Variants in NFS1 observed in about 807,000 individuals in gnomAD.
NFS1 encodes the protein cysteine desulfurase.
A neutral mutation model predicts 57.3 loss-of-function variants in NFS1; 26 were observed. The ratio of observed to expected loss-of-function variants is 0.45; its 90% CI spans 0.33 to 0.63. The LOEUF is 0.63. Ranked by LOEUF, NFS1 falls within the 20% of genes least tolerant of loss-of-function variation. The pLI, the probability that NFS1 is intolerant of heterozygous loss-of-function variation, is 0.02. For synonymous variants in NFS1, 209 were observed against 216.3 expected, an observed-to-expected ratio of 0.97 and a Z score of 0.30; for missense variants, 505 against 605.8, an observed-to-expected ratio of 0.83 and a Z score of 1.75.
chr20:35,698,100 C>A (rs2035171578), intron 2 of NFS1, among the ~76,000 whole-genome samples: 1 of 152,186 alleles, frequency 6.6e-6, no homozygotes, highest in African/African-American at 2.4e-5. Context: ...GTAATGTGAT[C>A]TATAAGGGGC....
At chr20:35,673,538 G>A in intron 11 of NFS1, 63 bp downstream of exon 11, 1 of 1,417,630 alleles carries the variant, frequency 7.1e-7, no homozygotes, top group South Asian at 1.2e-5. Flanking sequence ...GAAAAAAACT[G>A]TAACAGGAGA....
At chr20:35,676,787 C>CAAAAAAAAAAAAAAAAAAA (rs1206628678) in intron 7 of NFS1, among the ~76,000 whole-genome samples, 4 of 77,292 alleles carry the variant, frequency 5.2e-5, no homozygotes, top group African/African-American at 1.3e-4. Context: ...AAAAAAAAAC[C>CAAAAAAAAAAAAAAAAAAA]AAGAAAGAAA....
At chr20:35,694,672 G>A (rs972001564) in intron 4 of NFS1, 4 of 151,898 alleles carry the variant, frequency 2.6e-5, no homozygotes, top group Non-Finnish European at 5.9e-5. Flanking sequence ...GGCGGATCAC[G>A]AGGTCAGGAG....
chr20:35,680,197 C>G (rs1487805592), intron 7 of NFS1, among the ~76,000 whole-genome samples: 1 of 152,072 alleles, frequency 6.6e-6, no homozygotes, highest in Non-Finnish European at 1.5e-5. Context: ...CCCAGCTACT[C>G]GGCAGGCTGA....
At chr20:35,673,183 G>C (rs2034685657) in intron 11 of NFS1, among the ~76,000 whole-genome samples, 1 of 152,140 alleles carries the variant, frequency 6.6e-6, no homozygotes, top group African/African-American at 2.4e-5. Flanking sequence ...AGCTACTCAG[G>C]AGGCTGAGGC....
At chr20:35,674,965 C>T (rs2034715991) in intron 8 of NFS1, 80 bp downstream of exon 8, 1 of 1,574,442 alleles carries the variant, frequency 6.4e-7, no homozygotes, top group South Asian at 1.1e-5. Context: ...AGAGATCTGC[C>T]TCAGTCATGC....
chr20:35,679,693 G>A (rs1270251630), intron 7 of NFS1, among the ~76,000 whole-genome samples: 1 of 152,100 alleles, frequency 6.6e-6, no homozygotes, highest in Non-Finnish European at 1.5e-5. Flanking sequence ...ACCCTTAGAA[G>A]ACGCCATCTT....
intron 7 of NFS1, among the ~76,000 whole-genome samples, chr20:35,676,859 G>A (rs767800290): frequency 6.7e-6 from 1 of 148,832 alleles, no homozygotes; most frequent in Non-Finnish European, 1.5e-5. Context: ...ACTTTTGTCT[G>A]TGCCTTTTTT....
At chr20:35,696,166 A>G (rs1452731787) in intron 4 of NFS1, among the ~76,000 whole-genome samples, 4 of 152,188 alleles carry the variant, frequency 2.6e-5, no homozygotes, top group African/African-American at 9.7e-5. Context: ...CAACTGCCTC[A>G]CTCAACTCAG....
chr20:35,684,192 G>A (rs938838593), intron 5 of NFS1, among the ~76,000 whole-genome samples: 1 of 151,960 alleles, frequency 6.6e-6, no homozygotes, highest in Admixed American at 6.6e-5. Flanking sequence ...CGGATCACAA[G>A]GTCAGGAGAG....
chr20:35,687,800 C>G (rs1223847010), intron 5 of NFS1, among the ~76,000 whole-genome samples: 1 of 152,146 alleles, frequency 6.6e-6, no homozygotes, highest in Non-Finnish European at 1.5e-5. Context: ...ACAATCCAAA[C>G]AAAGAAATGA....
In NFS1 at chr20:35,681,795, AACT is replaced by A. The variant is rs11470411; in HGVS notation, c.655+90_655+92del. On this transcript the variant is annotated intron_variant, in intron 6 of 12. Transcript: ENST00000374092. ...TACTTAGGCTTTCCCTTGATTTCCT[AACT>A]ACACTCCATAGAGTATTACAGCTCT... is the stretch of plus-strand genomic sequence containing the variant. 44,249 of 687,962 alleles carry A rather than the reference AACT, an allele frequency of 0.064. 2,060 individuals carry two copies. The highest frequency in any genetic ancestry group is 0.18 in the South Asian group (10,423 of 57,976). The allele number at this position is 687,962 out of a possible 1,614,324, so 42.6% of individuals were successfully genotyped here. A position where few individuals can be genotyped will look rare whatever the true frequency, so the allele number is the denominator to read the frequency against.
chr20:35,683,339 G>A (rs59950734), intron 5 of NFS1, among the ~76,000 whole-genome samples: 6,517 of 151,582 alleles, frequency 0.043, 158 homozygotes, highest in African/African-American at 0.072. Flanking sequence ...AAAATTAGCC[G>A]GGCGCAGTGG....
intron 6 of NFS1, among the ~76,000 whole-genome samples, chr20:35,681,237 A>T (rs1212924295): frequency 6.6e-6 from 1 of 152,186 alleles, no homozygotes. Flanking sequence ...CAAAATAAAA[A>T]AAAAAAAACA....
chr20:35,685,549 T>G (rs111943331), intron 5 of NFS1, among the ~76,000 whole-genome samples: 1 of 138,114 alleles, frequency 7.2e-6, no homozygotes, highest in Non-Finnish European at 1.5e-5. Context: ...ATTATATATA[T>G]AAAATATTTT....
intron 5 of NFS1, among the ~76,000 whole-genome samples, chr20:35,686,976 T>C (rs1487455200): frequency 6.6e-6 from 1 of 152,112 alleles, no homozygotes; most frequent in Non-Finnish European, 1.5e-5. Flanking sequence ...TAGTGAGAAG[T>C]GACCAGAAGA....
At chr20:35,672,601 A>T (rs2034675107) in intron 12 of NFS1, among the ~76,000 whole-genome samples, 154 bp downstream of exon 12, 1 of 152,210 alleles carries the variant, frequency 6.6e-6, no homozygotes, top group African/African-American at 2.4e-5. Context: ...CAAGTAGCCA[A>T]GAAGATCTAC....
intron 8 of NFS1, 91 bp downstream of exon 8, chr20:35,674,954 C>A (rs2034715614): frequency 1.3e-6 from 2 of 1,545,772 alleles, no homozygotes. Flanking sequence ...TCTCTCCCTG[C>A]AGAGATCTGC....
At chr20:35,684,282 T>C (rs543890890) in intron 5 of NFS1, among the ~76,000 whole-genome samples, 36 of 151,414 alleles carry the variant, frequency 2.4e-4, no homozygotes, top group Middle Eastern at 3.4e-3. Flanking sequence ...CGGGCGCCTA[T>C]AGTTCCAGCT....
Sources: gnomAD v4.1 joint callset for allele counts (sites outside exome capture counted in the v4.1 genomes callset) on GRCh38, gnomAD v4.1.1 for gene constraint, MANE v1.5 for transcripts, NCBI Gene and HGNC (gene_info 2026-07-23, HGNC 2026-07-21) for gene names.